The following GLIS3 variants were observed in gnomAD, a reference collection of about 807,000 sequenced individuals.
GLIS3 encodes GLIS family zinc finger 3.
Under a neutral mutation model 78.6 loss-of-function variants are expected in GLIS3, and 53 were observed. That is an observed-to-expected ratio of 0.67 (90% CI 0.54 to 0.85). The LOEUF (loss-of-function observed/expected upper bound fraction) is 0.85, where lower values mean the gene tolerates loss of function less well. Ranked by LOEUF, GLIS3 falls within the 40% of genes least tolerant of loss-of-function variation. GLIS3 has a pLI of 0.00. For missense variants in GLIS3, 1,703 were observed against 1,231.1 expected, an observed-to-expected ratio of 1.38 and a Z score of -5.74; for synonymous variants, 684 against 509.9, an observed-to-expected ratio of 1.34 and a Z score of -4.60.
upstream of GLIS3, among the ~76,000 whole-genome samples, chr9:4,303,843 T>C (rs909853435): frequency 6.6e-5 from 10 of 152,224 alleles, no homozygotes; most frequent in African/African-American, 2.4e-4. Context: ...ATAACAAACA[T>C]AAATTCATAG....
intron 2 of GLIS3, among the ~76,000 whole-genome samples, chr9:4,200,455 T>C (rs902320068): frequency 6.6e-6 from 1 of 151,606 alleles, no homozygotes; most frequent in African/African-American, 2.4e-5. Context: ...ATAAGCACAA[T>C]CAGAAATGAT....
At chr9:3,931,669 C>T (rs1252640675) in intron 6 of GLIS3, among the ~76,000 whole-genome samples, 1 of 152,198 alleles carries the variant, frequency 6.6e-6, no homozygotes, top group Non-Finnish European at 1.5e-5. Flanking sequence ...CAGTCAACCA[C>T]TTGCTAGACA....
chr9:4,289,409 C>T (rs530196937), intron 1 of GLIS3, among the ~76,000 whole-genome samples: 12 of 152,258 alleles, frequency 7.9e-5, no homozygotes, highest in African/African-American at 2.9e-4. Context: ...CATCAAAGTG[C>T]GAGCTGATAG....
At chr9:4,282,413 C>T (rs1042641330) in intron 2 of GLIS3, among the ~76,000 whole-genome samples, 1 of 152,186 alleles carries the variant, frequency 6.6e-6, no homozygotes, top group African/African-American at 2.4e-5. Context: ...TGGTTCTCAG[C>T]CCATCAGTTG....
At chr9:4,283,266 T>G (rs368184081) in intron 2 of GLIS3, among the ~76,000 whole-genome samples, 13,645 of 90,112 alleles carry the variant, frequency 0.15, 717 homozygotes, top group African/African-American at 0.3. Flanking sequence ...TTTTTGTTTT[T>G]TTGTTTTTTT....
At chr9:4,438,493 G>T in the GLIS3 span, among the ~76,000 whole-genome samples, 1 of 152,160 alleles carries the variant, frequency 6.6e-6, no homozygotes, top group Non-Finnish European at 1.5e-5. Flanking sequence ...TGGTGGCAGT[G>T]TGAAGATTTT....
At chr9:4,104,302 G>A (rs1586678766) in intron 4 of GLIS3, among the ~76,000 whole-genome samples, 1 of 152,078 alleles carries the variant, frequency 6.6e-6, no homozygotes, top group Admixed American at 6.6e-5. Context: ...CCTTCCAGGT[G>A]CATGAACCAA....
the GLIS3 span, among the ~76,000 whole-genome samples, chr9:4,472,348 G>C: frequency 2.0e-5 from 3 of 152,132 alleles, no homozygotes; most frequent in African/African-American, 7.2e-5. Context: ...CAAAGACTTG[G>C]AACCAATCCA....
chr9:4,172,665 T>C (rs1475702312), intron 2 of GLIS3, among the ~76,000 whole-genome samples: 1 of 152,178 alleles, frequency 6.6e-6, no homozygotes, highest in African/African-American at 2.4e-5. Flanking sequence ...AAATGAATCA[T>C]AGTACAAAAG....
intron 4 of GLIS3, among the ~76,000 whole-genome samples, chr9:3,991,565 C>T (rs966247849): frequency 5.9e-5 from 9 of 151,778 alleles, no homozygotes; most frequent in East Asian, 1.9e-4. Context: ...ACATGGTAAT[C>T]GATGGAACTA....
At chr9:4,431,202 T>A in the GLIS3 span, among the ~76,000 whole-genome samples, 1 of 152,206 alleles carries the variant, frequency 6.6e-6, no homozygotes, top group Admixed American at 6.5e-5. Flanking sequence ...CTTATCCTCT[T>A]CTAATTTTAA....
At chr9:3,842,243 A>G (rs537644130) in intron 9 of GLIS3, among the ~76,000 whole-genome samples, 209 of 152,198 alleles carry the variant, frequency 1.4e-3, no homozygotes, top group African/African-American at 4.9e-3. Context: ...GGAGGCCGAG[A>G]TGGGTGGATC....
At chr9:4,198,920 A>T (rs545648349) in intron 2 of GLIS3, among the ~76,000 whole-genome samples, 70 of 152,368 alleles carry the variant, frequency 4.6e-4, no homozygotes, top group Non-Finnish European at 9.0e-4. Flanking sequence ...AGCATTCTTA[A>T]AGAAAAGAAA....
the GLIS3 span, among the ~76,000 whole-genome samples, chr9:4,441,492 C>T: frequency 6.6e-6 from 1 of 152,202 alleles, no homozygotes; most frequent in Admixed American, 6.5e-5. Flanking sequence ...TCATCTTGAT[C>T]TCACTTGAAG....
At chr9:4,384,568 C>T in the GLIS3 span, among the ~76,000 whole-genome samples, 9 of 149,166 alleles carry the variant, frequency 6.0e-5, no homozygotes, top group African/African-American at 2.2e-4. Context: ...AAACCTCTTT[C>T]CTTTATATAT....
chr9:4,057,343 G>A (rs1467869884), intron 4 of GLIS3, among the ~76,000 whole-genome samples: 3 of 152,052 alleles, frequency 2.0e-5, no homozygotes, highest in Admixed American at 2.0e-4. Context: ...TATGAAACTC[G>A]TTCTCCTTTA....
chr9:4,117,899 C>T lies in GLIS3; in HGVS notation c.1579G>A (p.Asp527Asn), dbSNP rs765789414. The change falls in exon 4 of 11, where the codon GAC becomes AAC. Residue 527 changes from aspartate (D) to asparagine (N), a missense_variant. Asp to Asn is a conservative substitution (Grantham distance 23). Transcript: ENST00000381971. ...GTGAAGTCCTCCCCTTTGCGCTGGT[C>T]GATGTGGACCTTCTCGATGTGCCGC... ...LVRHIEKVHIDQRKGEDFTCF... is the reference protein window; with the variant it reads ...LVRHIEKVHINQRKGEDFTCF... The T allele has an allele frequency of 6.2e-7, 1 of 1,614,092 alleles. No homozygotes were observed. The highest frequency in any genetic ancestry group is 1.7e-5 in the Admixed American group (1 of 60,014).
Position 4,117,834 on chromosome 9 carries a change from G to A in GLIS3, c.1644C>T (p.Phe548=). ...GGATCAGCAGTTTATAGCGGGCGTT[G>A]AAGGGCTTGTATCTTCGAGGGCAAC... ...WAGCPRRYKP[F]NARYKLLIHM... The change falls in exon 4 of 11, where the codon TTC becomes TTT. Residue 548 remains phenylalanine (F), a synonymous_variant. Coordinates refer to ENST00000381971, the MANE Select transcript of GLIS3 (RefSeq NM_001042413.2). 1 of 1,614,174 alleles carries A rather than the reference G, an allele frequency of 6.2e-7. No homozygotes were observed. The highest frequency in any genetic ancestry group is 8.5e-7 in the Non-Finnish European group (1 of 1,180,028).
chr9:4,365,227 A>G, the GLIS3 span, among the ~76,000 whole-genome samples: 1 of 152,204 alleles, frequency 6.6e-6, no homozygotes, highest in African/African-American at 2.4e-5. Flanking sequence ...AAAAGATCAC[A>G]TGCATGGCGT....
Sources: allele counts gnomAD v4.1 joint callset (sites outside exome capture counted in the v4.1 genomes callset), GRCh38; gene constraint gnomAD v4.1.1; transcripts MANE v1.5; gene names NCBI Gene and HGNC (gene_info 2026-07-23, HGNC 2026-07-21).